The following ANKRD33B variants were observed in gnomAD, a reference collection of about 807,000 sequenced individuals.
ANKRD33B encodes the protein ankyrin repeat domain-containing protein 33B.
A neutral mutation model predicts 21.5 loss-of-function variants in ANKRD33B; 6 were observed. That is an observed-to-expected ratio of 0.28 (90% confidence interval 0.15 to 0.55). ANKRD33B has a LOEUF of 0.55. Ranked by LOEUF, ANKRD33B falls within the 20% of genes least tolerant of loss-of-function variation. The probability of loss-of-function intolerance (pLI) is 0.94; values close to 1 mark genes in which losing one functional copy is unlikely to be tolerated. For missense variants in ANKRD33B, 698 were observed against 747.2 expected, an observed-to-expected ratio of 0.93 and a Z score of 0.77; for synonymous variants, 347 against 342.4, an observed-to-expected ratio of 1.01 and a Z score of -0.15.
rs1023385725 is a variant in ANKRD33B, at chr5:10,650,237, C to T, written c.*124C>T. On this transcript the variant is annotated 3_prime_UTR_variant, in exon 4 of 4. Transcript: ENST00000296657. ...TTCCGCTCCATGGACCACGGGGCTG[C>T]GCGCATTTCCAGGCTGTTTGTCCAG... 1.6e-5 allele frequency: 17 copies of T among 1,082,908 alleles called. No individual in the cohort carries two copies. The African/African-American group carries it at 2.5e-4, about 16-fold the overall frequency. 67.1% of individuals were successfully genotyped at this position (1,082,908 alleles called of 1,614,324 possible).
rs192088323 is a variant in ANKRD33B at position 10,573,451 on chromosome 5, G to A, written c.366+8618G>A. On this transcript the variant is annotated intron_variant, in intron 1 of 3. Coordinates refer to ENST00000296657, the MANE Select transcript of ANKRD33B (RefSeq NM_001164440.2). ...CCACTGCACTCCAGCCTGGGCAACAGAGCGAGACTCCGTCTCAAAAAAAAA... is the reference window on the plus strand; with the variant it reads ...CCACTGCACTCCAGCCTGGGCAACAAAGCGAGACTCCGTCTCAAAAAAAAA... Among the ~76,000 whole-genome samples the A allele has an allele frequency of 7.5e-3, 1,062 of 141,718 alleles. 15 individuals are homozygous for A. The highest frequency in any genetic ancestry group is 0.026 in the African/African-American group (983 of 38,380). The allele number at this position is 141,718 out of a possible 152,430, so 93.0% of individuals were successfully genotyped here.
chr5:10,624,536 T>A (rs1001344393), intron 2 of ANKRD33B, among the ~76,000 whole-genome samples: 1 of 152,148 alleles, frequency 6.6e-6, no homozygotes, highest in African/African-American at 2.4e-5. Context: ...TGGGCTCTGA[T>A]CCCTGGACAC....
At chr5:10,617,208 A>G (rs1028977767) in intron 1 of ANKRD33B, among the ~76,000 whole-genome samples, 1 of 152,208 alleles carries the variant, frequency 6.6e-6, no homozygotes, top group African/African-American at 2.4e-5. Flanking sequence ...TACAAAATCA[A>G]CTATCAGTGT....
At chr5:10,635,750 G>A (rs1053923193) in intron 2 of ANKRD33B, among the ~76,000 whole-genome samples, 6 of 152,214 alleles carry the variant, frequency 3.9e-5, no homozygotes, top group Non-Finnish European at 2.9e-5. Flanking sequence ...GCCTGGAGTG[G>A]CCCTCAAAGG....
intron 1 of ANKRD33B, among the ~76,000 whole-genome samples, chr5:10,617,254 G>A (rs1430955997): frequency 3.3e-5 from 5 of 152,128 alleles, no homozygotes; most frequent in Admixed American, 2.0e-4. Flanking sequence ...ATGACTCCAC[G>A]CTGCTATTCA....
chr5:10,655,762 G>A lies in ANKRD33B; in HGVS notation c.*5649G>A, dbSNP rs1216971201. 6.6e-6 allele frequency: 1 copy of A among 152,262 alleles called. No homozygotes were observed. Among genetic ancestry groups the A allele is most frequent in the Non-Finnish European group, 1.5e-5 (1 of 68,056 alleles). 9.4% of individuals were successfully genotyped at this position (152,262 alleles called of 1,614,324 possible). On this transcript the variant is annotated 3_prime_UTR_variant, in exon 4 of 4. Transcript: ENST00000296657. ...TTGCCCAGGTCCCTCCACCTCCCACGGTGGGTAACTGTGTGGATTCTGCAC... is the reference window on the plus strand; with the variant it reads ...TTGCCCAGGTCCCTCCACCTCCCACAGTGGGTAACTGTGTGGATTCTGCAC...
chr5:10,610,541 C>G (rs529941416), intron 1 of ANKRD33B, among the ~76,000 whole-genome samples: 1 of 152,318 alleles, frequency 6.6e-6, no homozygotes, highest in South Asian at 2.1e-4. Context: ...TTTCAGTGCT[C>G]TCTGTATTTG....
At chr5:10,577,228 C>T (rs578122716) in intron 1 of ANKRD33B, among the ~76,000 whole-genome samples, 232 of 152,246 alleles carry the variant, frequency 1.5e-3, no homozygotes, top group Non-Finnish European at 2.8e-3. Flanking sequence ...CTCCCGGGCT[C>T]AAGCAGTTCT....
chr5:10,586,485 C>CTGTGTGTG (rs55940283), intron 1 of ANKRD33B, among the ~76,000 whole-genome samples: 2 of 140,418 alleles, frequency 1.4e-5, no homozygotes, highest in East Asian at 2.1e-4. Flanking sequence ...GTTCTTGTAA[C>CTGTGTGTG]TGTGTGTGTG....
chr5:10,580,833 C>T (rs1735429656), intron 1 of ANKRD33B, among the ~76,000 whole-genome samples: 1 of 152,112 alleles, frequency 6.6e-6, no homozygotes, highest in African/African-American at 2.4e-5. Flanking sequence ...TTCCATCCTT[C>T]CCTCTCTTCT....
intron 3 of ANKRD33B, among the ~76,000 whole-genome samples, chr5:10,640,148 ATGT>A (rs1737010000): frequency 6.6e-6 from 1 of 150,394 alleles, no homozygotes; most frequent in Non-Finnish European, 1.5e-5. Flanking sequence ...TTGTGTGGTG[ATGT>A]TAGCGGGTGA....
intron 3 of ANKRD33B, among the ~76,000 whole-genome samples, chr5:10,646,657 A>G (rs1035355700): frequency 6.6e-6 from 1 of 152,214 alleles, no homozygotes; most frequent in African/African-American, 2.4e-5. Context: ...GTGACATGCA[A>G]TTAATTAAGG....
chr5:10,607,848 TC>T (rs1405744955), intron 1 of ANKRD33B, among the ~76,000 whole-genome samples: 1 of 152,198 alleles, frequency 6.6e-6, no homozygotes, highest in East Asian at 1.9e-4. Context: ...TATTTAAAGC[TC>T]CTTGTTACTG....
intron 3 of ANKRD33B, among the ~76,000 whole-genome samples, chr5:10,647,168 G>A (rs745450181): frequency 7.1e-4 from 107 of 151,602 alleles, no homozygotes; most frequent in Admixed American, 1.7e-3. Flanking sequence ...GCGGTGGTGC[G>A]ATCTCGGCTC....
rs561064727 is a variant in ANKRD33B at position 10,618,525 on chromosome 5, C to T, written c.496+63C>T. On this transcript the variant is annotated intron_variant, in intron 2 of 3. Coordinates refer to ENST00000296657, the MANE Select transcript of ANKRD33B (RefSeq NM_001164440.2). ...GCCAGAGCACCGCCGCCGGGCAGCC[C>T]GGGCTCCCGTTGCGATGCAGTCAGG... 61 of 1,463,024 alleles carry T rather than the reference C, an allele frequency of 4.2e-5. 1 individual carries two copies. The highest frequency in any genetic ancestry group is 2.0e-4 in the East Asian group (8 of 40,162). 90.6% of individuals were successfully genotyped at this position (1,463,024 alleles called of 1,614,324 possible).
Position 10,618,430 on chromosome 5 carries a change from G to A in ANKRD33B, c.464G>A (p.Gly155Glu), listed in dbSNP as rs1579738638. ...HVDVNWQDSE[G>E]NTALITAAQA... ...GACGTCAACTGGCAGGACAGCGAGG[G>A]GAACACAGCCCTAATCACAGCTGCA... is the stretch of plus-strand genomic sequence containing the variant. Residue 155 changes from glycine (G) to glutamate (E), a missense_variant, in exon 2 of 4, where the codon GGG becomes GAG. Physicochemically the swap from Gly to Glu is moderately conservative, Grantham distance 98. This residue lies in a region of ANKRD33B where 543 missense variants were observed against 566.5 expected (regional missense o/e 0.96). Transcript: ENST00000296657. 6.5e-7 allele frequency: 1 copy of A among 1,537,140 alleles called. No homozygotes were observed. Among genetic ancestry groups the A allele is most frequent in the East Asian group, 2.4e-5 (1 of 41,050 alleles).
At chr5:10,606,500 C>T (rs1320888906) in intron 1 of ANKRD33B, among the ~76,000 whole-genome samples, 1 of 152,078 alleles carries the variant, frequency 6.6e-6, no homozygotes, top group Non-Finnish European at 1.5e-5. Context: ...CTTTGGGAGG[C>T]CAAGGTGGGC....
intron 1 of ANKRD33B, among the ~76,000 whole-genome samples, chr5:10,565,864 A>T (rs2943775): frequency 0.63 from 96,420 of 152,090 alleles, 30,754 homozygotes; most frequent in East Asian, 0.8. Flanking sequence ...ACAAATGCAC[A>T]TGCTTTTTGC....
At chr5:10,608,808 C>T (rs1338414213) in intron 1 of ANKRD33B, among the ~76,000 whole-genome samples, 3 of 151,998 alleles carry the variant, frequency 2.0e-5, no homozygotes, top group Admixed American at 6.5e-5. Context: ...AAACGTAAAA[C>T]GGGATGGTAA....
Sources: gnomAD v4.1 joint callset for allele counts (sites outside exome capture counted in the v4.1 genomes callset) on GRCh38, gnomAD v4.1.1 for gene constraint, gnomAD v4.1.1 regional missense constraint, MANE v1.5 for transcripts, NCBI Gene and HGNC (gene_info 2026-07-23, HGNC 2026-07-21) for gene names.